The following PLA2G4B variants were observed in gnomAD, a reference collection of about 807,000 sequenced individuals.
PLA2G4B encodes the protein phospholipase A2 group IVB, also known as cytosolic phospholipase A2 beta.
A neutral mutation model predicts 95.8 loss-of-function variants in PLA2G4B; 122 were observed. The ratio of observed to expected loss-of-function variants is 1.27; its 90% confidence interval spans 1.10 to 1.48. PLA2G4B has a LOEUF of 1.48. PLA2G4B is among the 40% of genes most tolerant of loss of function. The probability of loss-of-function intolerance (pLI) is 0.00; values close to 1 mark genes in which losing one functional copy is unlikely to be tolerated. For missense variants in PLA2G4B, 1,158 were observed against 996.2 expected, an observed-to-expected ratio of 1.16 and a Z score of -2.19; for synonymous variants, 518 against 421.5, an observed-to-expected ratio of 1.23 and a Z score of -2.80.
chr15:41,843,596 T>C (rs1255770030), intron 10 of PLA2G4B, 80 bp from the exon 11 acceptor site: 4 of 1,563,666 alleles, frequency 2.6e-6, no homozygotes, highest in Admixed American at 1.8e-5. Context: ...GCAGTAGGTA[T>C]TACAGGTGAG....
At chr15:41,841,782 C>G (rs2065435829) in intron 7 of PLA2G4B, 37 bp from the exon 8 acceptor site, 1 of 1,604,778 alleles carries the variant, frequency 6.2e-7, no homozygotes, top group Non-Finnish European at 8.5e-7. Context: ...GGCAGAGATA[C>G]CGTCCCCAGC....
At position 41,840,763 on chromosome 15, in the gene PLA2G4B, T is replaced by C; in HGVS notation, c.220-11T>C. The C allele has an allele frequency of 1.2e-6, 2 of 1,613,142 alleles. No individual in the cohort carries two copies. Among genetic ancestry groups the C allele is most frequent in the Non-Finnish European group, 1.7e-6 (2 of 1,179,312 alleles). ...TCCCTCCTGCAGCCCTGTCACTCTTTTCCCCTCCAGAATGTCATGGAACTG... is the reference window on the plus strand; with the variant it reads ...TCCCTCCTGCAGCCCTGTCACTCTTCTCCCCTCCAGAATGTCATGGAACTG... On this transcript the variant is annotated splice_polypyrimidine_tract_variant and intron_variant, in intron 3 of 19. Coordinates refer to ENST00000458483, the MANE Select transcript of PLA2G4B (RefSeq NM_001114633.2).
chr15:41,847,522 T>C lies in PLA2G4B; in HGVS notation c.2133T>C (p.Pro711=). 6.2e-7 allele frequency: 1 copy of C among 1,603,444 alleles called. No homozygotes were observed. The highest frequency in any genetic ancestry group is 8.5e-7 in the Non-Finnish European group (1 of 1,172,362). Residue 711 remains proline (P), a splice_region_variant and synonymous_variant, in exon 19 of 20, where the codon CCT becomes CCC. Transcript: ENST00000458483. ...ACTCCTTCCGGGAGTACTCGGCCCC[T>C]GGTGAGCTGCTGTTCACCTCCCCAT... The part of the protein sequence containing the change: ...VSDSFREYSA[P]GVRRTPEEAA...
At chr15:41,840,492 G>T in intron 2 of PLA2G4B, 32 bp from the exon 3 acceptor site, 1 of 1,612,900 alleles carries the variant, frequency 6.2e-7, no homozygotes, top group Non-Finnish European at 8.5e-7. Flanking sequence ...AAGGGCTCTT[G>T]TCCACCGCTG....
Position 41,846,398 on chromosome 15 carries a change from C to CAA in PLA2G4B, c.1780+18_1780+19dup. ...ACATGGAAAGGTACCTGCTTCTCTC[C>CAA]AAAGTCCTCCTGTGGCCACCTGAGC... On this transcript the variant is annotated intron_variant, in intron 17 of 19. Transcript: ENST00000458483. The CAA allele has an allele frequency of 6.3e-7, 1 of 1,594,672 alleles. No homozygotes were observed. The highest frequency in any genetic ancestry group is 8.6e-7 in the Non-Finnish European group (1 of 1,165,380).
intron 10 of PLA2G4B, 82 bp downstream of exon 10, chr15:41,842,673 G>C: frequency 4.8e-5 from 71 of 1,469,186 alleles, no homozygotes; most frequent in Non-Finnish European, 5.7e-5. Context: ...AGGAGTGAGG[G>C]GGAGAAACAG....
intron 1 of PLA2G4B, 160 bp downstream of exon 1, chr15:41,839,082 G>A: frequency 3.6e-6 from 2 of 561,554 alleles, no homozygotes; most frequent in South Asian, 4.7e-5. Context: ...AGGGGAGGAG[G>A]AGGCTTGGGG....
In PLA2G4B at chr15:41,843,732, T is replaced by G; in HGVS notation, c.800T>G (p.Phe267Cys). The stretch of plus-strand genomic sequence containing the variant: ...GGGCCCTGTGCAGAGGAGCAGGCCT[T>G]CCTGAGCAGGAGGAAGCAGGTGGTG... ...GFGPCAEEQA[F>C]LSRRKQVVAA... Residue 267 changes from phenylalanine (F) to cysteine (C), a missense_variant, in exon 11 of 20, where the codon TTC becomes TGC. By Grantham distance (205) the Phe-to-Cys change is radical. Coordinates refer to ENST00000458483, the MANE Select transcript of PLA2G4B (RefSeq NM_001114633.2). 1 of 1,614,066 alleles carries G rather than the reference T, an allele frequency of 6.2e-7. No individual in the cohort carries two copies. The highest frequency in any genetic ancestry group is 8.5e-7 in the Non-Finnish European group (1 of 1,180,004).
intron 10 of PLA2G4B, 90 bp downstream of exon 10, chr15:41,842,681 C>T (rs2065456850): frequency 1.3e-6 from 2 of 1,546,484 alleles, no homozygotes; most frequent in Non-Finnish European, 1.7e-6. Flanking sequence ...GGGGGAGAAA[C>T]AGCCGCCCCT....
In PLA2G4B at chr15:41,841,975, G is replaced by A. The variant is rs200154995; in HGVS notation, c.621+26G>A. On this transcript the variant is annotated intron_variant, in intron 8 of 19. Transcript: ENST00000458483. ...GTAGTGTGCCTCGCTCCCTCGAGGT[G>A]GGGCCCCCAGAACTTCCTCCCTCCC... The A allele has an allele frequency of 1.5e-4, 235 of 1,600,582 alleles. 1 individual carries two copies. In the South Asian group the frequency reaches 1.9e-3, roughly 13 times the overall value.
rs201483354 is a variant in PLA2G4B, at chr15:41,845,230, C to T, written c.1267C>T (p.Arg423Trp). ...CCATGATCACAAGCTCTCAGATCAA[C>T]GGGAGGCCCTGAGTCATGGCCAGAA... ...EPHDHKLSDQ[R>W]EALSHGQNPL... Residue 423 changes from arginine (R) to tryptophan (W), a missense_variant, in exon 14 of 20, where the codon CGG becomes TGG. Transcript: ENST00000458483. 45 of 1,614,152 alleles carry T rather than the reference C, an allele frequency of 2.8e-5. No individual in the cohort carries two copies. The highest frequency in any genetic ancestry group is 6.7e-5 in the East Asian group (3 of 44,874).
Position 41,840,919 on chromosome 15 carries a change from T to C in PLA2G4B, c.351+14T>C. On this transcript the variant is annotated intron_variant, in intron 4 of 19. Transcript: ENST00000458483. ...CTGAGCCCTCAGGCAAGGCGGTGTT[T>C]CCACGGCAGCCCTAGCTGGTGTCTG... The C allele has an allele frequency of 6.2e-7, 1 of 1,610,460 alleles. No individual in the cohort carries two copies. Among genetic ancestry groups the C allele is most frequent in the East Asian group, 2.2e-5 (1 of 44,744 alleles).
At position 41,845,636 on chromosome 15, in the gene PLA2G4B, A is replaced by ATGGTGAG; in HGVS notation, c.1358-2_1358-1insTGGTGAG. The ATGGTGAG allele has an allele frequency of 6.2e-7, 1 of 1,614,096 alleles. No individual in the cohort carries two copies. The highest frequency in any genetic ancestry group is 1.7e-5 in the Admixed American group (1 of 60,004). On this transcript the variant is annotated splice_acceptor_variant, in intron 14 of 19. Coordinates refer to ENST00000458483, the MANE Select transcript of PLA2G4B (RefSeq NM_001114633.2). LOFTEE classifies it high-confidence loss of function. The stretch of plus-strand genomic sequence containing the variant: ...TGAGGCTGAGGCGTGGACTCCTCAC[A>ATGGTGAG]GAGTGGTGCGAGTTCTCTCCCTACG...
At position 41,847,666 on chromosome 15, in the gene PLA2G4B, G is replaced by C. The variant is rs556452143; in HGVS notation, c.2152G>C (p.Glu718Gln). ...CTCCACAGGGGTCCGGCGGACACCC[G>C]AGGAGGCGGCAGCTGGGGAGGTGAA... ...YSAPGVRRTP[E>Q]EAAAGEVNLS... Residue 718 changes from glutamate (E) to glutamine (Q), a missense_variant, in exon 20 of 20, where the codon GAG (glutamate) becomes CAG (glutamine). Transcript: ENST00000458483. 2 of 1,613,592 alleles carry C rather than the reference G, an allele frequency of 1.2e-6. No homozygotes were observed. Among genetic ancestry groups the C allele is most frequent in the Non-Finnish European group, 1.7e-6 (2 of 1,180,016 alleles).
chr15:41,846,652 T>C lies in PLA2G4B; in HGVS notation c.1781-17T>C, dbSNP rs1162236855. ...CCTTGGTATCTGTGACAATTGCTGCTCTCCCCAACCTTCCAGCTACCACTC... is the reference window on the plus strand; with the variant it reads ...CCTTGGTATCTGTGACAATTGCTGCCCTCCCCAACCTTCCAGCTACCACTC... On this transcript the variant is annotated splice_polypyrimidine_tract_variant and intron_variant, in intron 17 of 19. Transcript: ENST00000458483. 1 of 1,587,792 alleles carries C rather than the reference T, an allele frequency of 6.3e-7. No homozygotes were observed. Among genetic ancestry groups the C allele is most frequent in the Admixed American group, 1.7e-5 (1 of 57,888 alleles).
intron 10 of PLA2G4B, 79 bp downstream of exon 10, chr15:41,842,670 AGGGGGAG>A: frequency 6.4e-7 from 1 of 1,562,754 alleles, no homozygotes; most frequent in Non-Finnish European, 8.6e-7. Context: ...TGGAGGAGTG[AGGGGGAG>A]AAACAGCCGC....
chr15:41,841,887 A>C lies in PLA2G4B; in HGVS notation c.559A>C (p.Thr187Pro), dbSNP rs903316160. 6.8e-6 allele frequency: 11 copies of C among 1,613,250 alleles called. No homozygotes were observed. The African/African-American group carries it at 1.2e-4, about 18-fold the overall frequency. Reference sequence around the variant, plus strand: ...GGGTCCGCAGGAGGCCTCTGTGGGCACTGGCACCTTCCGCTTCCACTGCCC... The same window carrying C: ...GGGTCCGCAGGAGGCCTCTGTGGGCCCTGGCACCTTCCGCTTCCACTGCCC... ...CEGPQEASVG[T>P]GTFRFHCPAC... Residue 187 changes from threonine to proline, a missense_variant, in exon 8 of 20, where the codon ACT becomes CCT. Thr to Pro is a conservative substitution (Grantham distance 38, BLOSUM62 -1). Coordinates refer to ENST00000458483, the MANE Select transcript of PLA2G4B (RefSeq NM_001114633.2).
intron 8 of PLA2G4B, 53 bp from the exon 9 acceptor site, chr15:41,842,140 G>A (rs2065443639): frequency 3.1e-6 from 5 of 1,606,768 alleles, no homozygotes; most frequent in Non-Finnish European, 4.3e-6. Flanking sequence ...TGAGGTCTTT[G>A]CTAGGAGTGG....
chr15:41,841,572 G>A lies in PLA2G4B; in HGVS notation c.490+1G>A. ...CTGGAGGAGACAGGAGACCAGAAGT[G>A]TGAGTCCCCAACCCACTGGGACAGC... is the stretch of plus-strand genomic sequence containing the variant. On this transcript the variant is annotated splice_donor_variant, in intron 7 of 19. Coordinates refer to ENST00000458483, the MANE Select transcript of PLA2G4B (RefSeq NM_001114633.2). LOFTEE classifies it high-confidence loss of function. The A allele has an allele frequency of 6.2e-7, 1 of 1,614,010 alleles. No homozygotes were observed. Among genetic ancestry groups the A allele is most frequent in the Non-Finnish European group, 8.5e-7 (1 of 1,179,988 alleles).
Sources: gnomAD v4.1 joint callset for allele counts on GRCh38, gnomAD v4.1.1 for gene constraint, MANE v1.5 for transcripts, NCBI Gene and HGNC (gene_info 2026-07-23, HGNC 2026-07-21) for gene names.